ATP10B: variants seen among roughly 807,000 people sequenced by gnomAD.
The protein encoded by ATP10B is phospholipid-transporting ATPase VB.
A neutral mutation model predicts 141.2 loss-of-function variants in ATP10B; 122 were observed. The ratio of observed to expected loss-of-function variants is 0.86; its 90% CI spans 0.75 to 1.00. The LOEUF (loss-of-function observed/expected upper bound fraction) is 1.00, where lower values mean the gene tolerates loss of function less well. Ranked by LOEUF, ATP10B falls within the 50% of genes least tolerant of loss-of-function variation. The pLI, the probability that ATP10B is intolerant of heterozygous loss-of-function variation, is 0.00. For synonymous variants in ATP10B, 685 were observed against 692.0 expected (o/e 0.99, Z 0.16); for missense variants, 1,876 against 1,825.3 (o/e 1.03, Z -0.51).
At chr5:160,896,516 G>T in the ATP10B span, among the ~76,000 whole-genome samples, 1 of 152,094 alleles carries the variant, frequency 6.6e-6, no homozygotes, top group African/African-American at 2.4e-5. Flanking sequence ...TCCCTGAATA[G>T]GCCAATAACA....
At chr5:160,598,672 G>T in intron 22 of ATP10B, 98 bp downstream of exon 22, 2 of 1,101,348 alleles carry the variant, frequency 1.8e-6, no homozygotes, top group South Asian at 1.5e-5. Flanking sequence ...GCAGGCTTCT[G>T]ACCCCAGCAT....
intron 2 of ATP10B, among the ~76,000 whole-genome samples, chr5:160,765,114 G>A (rs1454232959): frequency 6.6e-6 from 1 of 152,142 alleles, no homozygotes. Flanking sequence ...TCATGAATGG[G>A]TAGAATCAAT....
At chr5:160,642,067 T>C (rs1449697793) in intron 9 of ATP10B, among the ~76,000 whole-genome samples, 2 of 151,720 alleles carry the variant, frequency 1.3e-5, no homozygotes, top group Non-Finnish European at 2.9e-5. Context: ...AAGAGTTGGG[T>C]TCAAGGGGAG....
At chr5:160,655,655 T>C (rs1371518018) in intron 7 of ATP10B, among the ~76,000 whole-genome samples, 1 of 152,172 alleles carries the variant, frequency 6.6e-6, no homozygotes, top group Non-Finnish European at 1.5e-5. Flanking sequence ...CTTTGATTGA[T>C]GGGAGTAAGA....
At chr5:160,652,932 TATACATGTA>T (rs1760955800) in intron 7 of ATP10B, among the ~76,000 whole-genome samples, 2 of 85,810 alleles carry the variant, frequency 2.3e-5, no homozygotes, top group Non-Finnish European at 4.1e-5. Context: ...ATATATTATA[TATACATGTA>T]TATATAATAT....
intron 1 of ATP10B, among the ~76,000 whole-genome samples, chr5:160,798,717 A>G (rs928601775): frequency 6.7e-6 from 1 of 149,234 alleles, no homozygotes; most frequent in East Asian, 2.0e-4. Flanking sequence ...AAACTAATAC[A>G]TGGGTCAAGG....
At chr5:160,665,627 G>A (rs149357315) in intron 7 of ATP10B, among the ~76,000 whole-genome samples, 89 of 152,282 alleles carry the variant, frequency 5.8e-4, no homozygotes, top group Admixed American at 1.2e-3. Flanking sequence ...ACTTGACCAC[G>A]GACCATGAGT....
At chr5:160,612,716 A>G (rs1481204455) in intron 18 of ATP10B, 25 bp downstream of exon 18, 2 of 1,592,900 alleles carry the variant, frequency 1.3e-6, no homozygotes, top group Non-Finnish European at 1.7e-6. Context: ...ATATCTGCAG[A>G]TATCAATACA....
the ATP10B span, among the ~76,000 whole-genome samples, chr5:160,883,572 C>T: frequency 6.6e-6 from 1 of 152,028 alleles, no homozygotes; most frequent in Non-Finnish European, 1.5e-5. Flanking sequence ...AGCAGTAATA[C>T]TGTAAACTGA....
chr5:160,621,034 T>C, intron 14 of ATP10B, 84 bp from the exon 15 acceptor site: 1 of 1,481,750 alleles, frequency 6.7e-7, no homozygotes, highest in Non-Finnish European at 9.0e-7. Context: ...ATGAAGGTAC[T>C]TTTGCAATAA....
intron 2 of ATP10B, among the ~76,000 whole-genome samples, chr5:160,768,586 A>G (rs562294813): frequency 1.3e-5 from 2 of 152,340 alleles, no homozygotes; most frequent in East Asian, 3.9e-4. Flanking sequence ...ACTATGTTAT[A>G]AGTGCCCTGC....
At chr5:160,766,598 G>A (rs1769449707) in intron 2 of ATP10B, among the ~76,000 whole-genome samples, 1 of 152,142 alleles carries the variant, frequency 6.6e-6, no homozygotes, top group Non-Finnish European at 1.5e-5. Context: ...GGGGTGAAGG[G>A]TGGGAGGGAG....
At chr5:160,613,159 C>A (rs1011032743) in intron 17 of ATP10B, among the ~76,000 whole-genome samples, 1 of 152,094 alleles carries the variant, frequency 6.6e-6, no homozygotes, top group Non-Finnish European at 1.5e-5. Context: ...GGATACCATG[C>A]GAATATACAC....
intron 3 of ATP10B, 84 bp from the exon 4 acceptor site, chr5:160,689,027 A>G (rs1763924783): frequency 1.4e-6 from 1 of 737,056 alleles, no homozygotes. Context: ...AAGCTTGTCC[A>G]CCACCATCGA....
At chr5:160,809,914 A>C (rs993191131) in intron 1 of ATP10B, among the ~76,000 whole-genome samples, 1 of 152,132 alleles carries the variant, frequency 6.6e-6, no homozygotes, top group African/African-American at 2.4e-5. Context: ...TTGGCTCTTT[A>C]GTGACCATTT....
At chr5:160,847,743 A>G (rs1257530380) in intron 1 of ATP10B, among the ~76,000 whole-genome samples, 1 of 152,202 alleles carries the variant, frequency 6.6e-6, no homozygotes, top group Admixed American at 6.6e-5. Context: ...AAATGAATGC[A>G]TCAGCAATTC....
At chr5:160,576,817 G>A (rs1406186257) in intron 24 of ATP10B, among the ~76,000 whole-genome samples, 1 of 152,160 alleles carries the variant, frequency 6.6e-6, no homozygotes, top group Admixed American at 6.5e-5. Context: ...GATGCCAGGG[G>A]GCCAGCAGGA....
chr5:160,805,589 C>A (rs1772713986), intron 1 of ATP10B, among the ~76,000 whole-genome samples: 1 of 152,146 alleles, frequency 6.6e-6, no homozygotes, highest in Non-Finnish European at 1.5e-5. Flanking sequence ...AAGACTAACC[C>A]ACATTCTCCA....
intron 6 of ATP10B, among the ~76,000 whole-genome samples, chr5:160,678,623 C>CTCCA (rs1245029516): frequency 1.3e-5 from 2 of 152,212 alleles, no homozygotes; most frequent in Non-Finnish European, 2.9e-5. Context: ...CGCCACTGCA[C>CTCCA]TCCAGCCTGG....
Sources: gnomAD v4.1 joint callset for allele counts (sites outside exome capture counted in the v4.1 genomes callset) on GRCh38, gnomAD v4.1.1 for gene constraint, MANE v1.5 for transcripts, NCBI Gene and HGNC (gene_info 2026-07-23, HGNC 2026-07-21) for gene names.